Variants in CDK15 observed in about 807,000 individuals in gnomAD.
CDK15 encodes cyclin-dependent kinase 15.
Under a neutral mutation model 60.3 loss-of-function variants are expected in CDK15, and 62 were observed. The ratio of observed to expected loss-of-function variants is 1.03; its 90% CI spans 0.84 to 1.27. The LOEUF is 1.27. Ranked by LOEUF, CDK15 falls within the 50% of genes most tolerant of loss-of-function variation. CDK15 has a pLI of 0.00. For missense variants in CDK15, 541 were observed against 527.8 expected (o/e 1.03, Z -0.25); for synonymous variants, 194 against 195.7 (o/e 0.99, Z 0.07).
In CDK15 at chr2:201,807,480, T is replaced by C; in HGVS notation, c.124-14T>C. 1 of 1,605,556 alleles carries C rather than the reference T, an allele frequency of 6.2e-7. No homozygotes were observed. Among genetic ancestry groups the C allele is most frequent in the Non-Finnish European group, 8.5e-7 (1 of 1,176,898 alleles). The stretch of plus-strand genomic sequence containing the variant: ...TTGCATAAATTTTATTTCTGCTCTT[T>C]CTTTTTTCTCTAGCTAACAGACCTA... On this transcript the variant is annotated splice_polypyrimidine_tract_variant and intron_variant, in intron 1 of 13. Coordinates refer to ENST00000652192, the MANE Select transcript of CDK15 (RefSeq NM_001366386.2).
chr2:201,830,240 C>T (rs931784474), intron 6 of CDK15, among the ~76,000 whole-genome samples: 1 of 152,008 alleles, frequency 6.6e-6, no homozygotes, highest in South Asian at 2.1e-4. Context: ...TGCGCCTGGC[C>T]AGAATATCAA....
chr2:201,881,717 C>G (rs1699284263), intron 12 of CDK15, among the ~76,000 whole-genome samples: 1 of 152,090 alleles, frequency 6.6e-6, no homozygotes, highest in South Asian at 2.1e-4. Flanking sequence ...ATCCACAGTT[C>G]TCACTCCTTT....
chr2:201,880,133 CG>C lies in CDK15; in HGVS notation c.1165del (p.Ala389ProfsTer21). The C allele has an allele frequency of 1.1e-5, 17 of 1,614,026 alleles. No individual in the cohort carries two copies. Among genetic ancestry groups the C allele is most frequent in the Non-Finnish European group, 1.4e-5 (17 of 1,180,008 alleles). ...QEALVHDYFSALPSQLYQLPD... is the reference protein window; with the variant it reads ...QEALVHDYFSXLPSQLYQLPD... Reference sequence around the variant, plus strand: ...AAGCACTTGTTCATGATTATTTCAGCGCCCTGCCATCTCAGCTGTACCAGCT... The same window carrying C: ...AAGCACTTGTTCATGATTATTTCAGCCCCTGCCATCTCAGCTGTACCAGCT... On this transcript the variant is annotated frameshift_variant, in exon 12 of 14. Coordinates refer to ENST00000652192, the MANE Select transcript of CDK15 (RefSeq NM_001366386.2). LOFTEE classifies it high-confidence loss of function.
intron 3 of CDK15, among the ~76,000 whole-genome samples, chr2:201,809,704 CA>C (rs1695668764): frequency 6.6e-6 from 1 of 152,116 alleles, no homozygotes; most frequent in African/African-American, 2.4e-5. Context: ...GGTCACTGTA[CA>C]AGACCCTATA....
chr2:201,887,636 G>A (rs959059302), intron 12 of CDK15, among the ~76,000 whole-genome samples: 6 of 152,202 alleles, frequency 3.9e-5, no homozygotes, highest in African/African-American at 1.4e-4. Context: ...CTAACTCACC[G>A]AATGCAAGGG....
At chr2:201,872,425 A>T in intron 11 of CDK15, 99 bp downstream of exon 11, 1 of 1,270,612 alleles carries the variant, frequency 7.9e-7, no homozygotes, top group South Asian at 1.2e-5. Flanking sequence ...GCCCCCGAGC[A>T]CTTCCATGTG....
rs550569749 is a variant in CDK15 at position 201,892,309 on chromosome 2, G to A, written c.*34-992G>A. Among the ~76,000 whole-genome samples the A allele has an allele frequency of 4.6e-5, 7 of 152,248 alleles. No homozygotes were observed. The East Asian group carries it at 1.4e-3, about 29-fold the overall frequency. On this transcript the variant is annotated intron_variant, in intron 13 of 13. Coordinates refer to ENST00000652192, the MANE Select transcript of CDK15 (RefSeq NM_001366386.2). ...CTTTAGCTGCATTCTGTGAAGTGGA[G>A]GGCCTTACCCTTCATAAAATTATCA...
intron 7 of CDK15, among the ~76,000 whole-genome samples, chr2:201,834,190 C>T (rs1371014813): frequency 6.6e-6 from 1 of 152,112 alleles, no homozygotes; most frequent in Non-Finnish European, 1.5e-5. Flanking sequence ...GTCAGATGGC[C>T]AAAAGCTGGG....
In CDK15 at chr2:201,879,441, G is replaced by A. The variant is rs116622896; in HGVS notation, c.1059-587G>A. Among the ~76,000 whole-genome samples, 858 of 152,298 alleles carry A rather than the reference G, an allele frequency of 5.6e-3. 6 individuals carry two copies. The highest frequency in any genetic ancestry group is 0.019 in the African/African-American group (798 of 41,562). Reference sequence around the variant, plus strand: ...GTTGCCCAGGCTGGAGTGCTGTGGTGCAATATTAGCTCACTGCAGCCTCTA... The same window carrying A: ...GTTGCCCAGGCTGGAGTGCTGTGGTACAATATTAGCTCACTGCAGCCTCTA... On this transcript the variant is annotated intron_variant, in intron 11 of 13. Coordinates refer to ENST00000652192, the MANE Select transcript of CDK15 (RefSeq NM_001366386.2).
At chr2:201,826,353 A>G (rs1010081785) in intron 6 of CDK15, among the ~76,000 whole-genome samples, 1 of 148,264 alleles carries the variant, frequency 6.7e-6, no homozygotes, top group Non-Finnish European at 1.5e-5. Flanking sequence ...CCAGCTACTC[A>G]GGAGGCTGAG....
At chr2:201,872,192 A>G (rs1050342683) in intron 10 of CDK15, 86 bp from the exon 11 acceptor site, 7 of 1,358,060 alleles carry the variant, frequency 5.2e-6, no homozygotes, top group Non-Finnish European at 7.4e-6. Flanking sequence ...CCAAGCCAAG[A>G]AGAGCATTTA....
chr2:201,855,491 GC>G (rs1214774618), intron 10 of CDK15, among the ~76,000 whole-genome samples: 2 of 152,160 alleles, frequency 1.3e-5, no homozygotes, highest in African/African-American at 4.8e-5. Context: ...ATTTAGAAGT[GC>G]TGGAAGTGTT....
At chr2:201,816,815 T>G (rs1458462542) in intron 4 of CDK15, among the ~76,000 whole-genome samples, 1 of 152,074 alleles carries the variant, frequency 6.6e-6, no homozygotes, top group Non-Finnish European at 1.5e-5. Context: ...CACCCACCAG[T>G]GTGCCATGTC....
At chr2:201,861,672 T>G (rs754400079) in intron 10 of CDK15, 17 of 313,970 alleles carry the variant, frequency 5.4e-5, no homozygotes, top group Non-Finnish European at 5.1e-5. Flanking sequence ...GCGGTTCTCC[T>G]GCTTCAGCCT....
intron 10 of CDK15, among the ~76,000 whole-genome samples, chr2:201,864,988 A>T (rs749261749): frequency 6.6e-5 from 10 of 152,210 alleles, no homozygotes; most frequent in Non-Finnish European, 1.3e-4. Context: ...CTGTGGGGCC[A>T]GTACTGCAGG....
chr2:201,832,903 A>G (rs1044136492), intron 6 of CDK15, among the ~76,000 whole-genome samples: 2 of 152,266 alleles, frequency 1.3e-5, no homozygotes, highest in Non-Finnish European at 2.9e-5. Flanking sequence ...CTGAACTGCC[A>G]GAACACGTTC....
At chr2:201,891,045 C>T (rs975901957) in intron 13 of CDK15, 118 bp downstream of exon 13, 22 of 572,164 alleles carry the variant, frequency 3.8e-5, no homozygotes, top group Admixed American at 2.3e-4. Flanking sequence ...AGTTCTTCTT[C>T]GCCAGCTCTA....
At chr2:201,885,833 A>G (rs1449545625) in intron 12 of CDK15, among the ~76,000 whole-genome samples, 1 of 152,164 alleles carries the variant, frequency 6.6e-6, no homozygotes, top group African/African-American at 2.4e-5. Flanking sequence ...TTGGACATCT[A>G]TATGCTTTAT....
At chr2:201,824,721 A>G (rs753977152) in intron 6 of CDK15, 9 of 525,634 alleles carry the variant, frequency 1.7e-5, no homozygotes, top group African/African-American at 4.1e-5. Flanking sequence ...CGCTAGCAAA[A>G]TGGCAGAATT....
Sources: gnomAD v4.1 joint callset for allele counts (sites outside exome capture counted in the v4.1 genomes callset) on GRCh38, gnomAD v4.1.1 for gene constraint, MANE v1.5 for transcripts, NCBI Gene and HGNC (gene_info 2026-07-23, HGNC 2026-07-21) for gene names.